TFAP2B: variants seen among roughly 807,000 people sequenced by gnomAD.
The protein encoded by TFAP2B is transcription factor AP-2-beta.
A neutral mutation model predicts 44.3 loss-of-function variants in TFAP2B; 9 were observed. That is an observed-to-expected ratio of 0.20 (90% CI 0.12 to 0.35). TFAP2B has a LOEUF of 0.35. Ranked by LOEUF, TFAP2B falls within the 10% of genes least tolerant of loss-of-function variation. The pLI, the probability that TFAP2B is intolerant of heterozygous loss-of-function variation, is 1.00. For missense variants in TFAP2B, 509 were observed against 600.0 expected, an observed-to-expected ratio of 0.85 and a Z score of 1.59; for synonymous variants, 270 against 263.8, an observed-to-expected ratio of 1.02 and a Z score of -0.23.
chr6:50,831,335 A>G (rs1770663805), intron 3 of TFAP2B, among the ~76,000 whole-genome samples: 1 of 152,178 alleles, frequency 6.6e-6, no homozygotes, highest in Non-Finnish European at 1.5e-5. Flanking sequence ...GTTTACGGCT[A>G]ATTTTCTGTA....
chr6:50,836,863 A>T (rs1222329184), intron 4 of TFAP2B, among the ~76,000 whole-genome samples: 1 of 152,204 alleles, frequency 6.6e-6, no homozygotes, highest in Non-Finnish European at 1.5e-5. Context: ...CACCACCAAT[A>T]ATAGCAATAA....
intron 3 of TFAP2B, among the ~76,000 whole-genome samples, chr6:50,835,833 G>T (rs987566206): frequency 1.3e-5 from 2 of 152,200 alleles, no homozygotes; most frequent in Admixed American, 1.3e-4. Flanking sequence ...TGTAGCAAAT[G>T]ACACTCATAT....
In TFAP2B at chr6:50,844,771, A is replaced by G. The variant is rs994715705; in HGVS notation, c.*1379A>G. Reference sequence around the variant, plus strand: ...TGGTGATTGCTGTTTAAGCAAGGAAAGAAGCAGCTTTACGAGTGGACGTGG... The same window carrying G: ...TGGTGATTGCTGTTTAAGCAAGGAAGGAAGCAGCTTTACGAGTGGACGTGG... On this transcript the variant is annotated 3_prime_UTR_variant, in exon 7 of 7. Coordinates refer to ENST00000393655, the MANE Select transcript of TFAP2B (RefSeq NM_003221.4). 1 of 152,262 alleles carries G rather than the reference A, an allele frequency of 6.6e-6. No homozygotes were observed. The highest frequency in any genetic ancestry group is 2.4e-5 in the African/African-American group (1 of 41,466). The allele number at this position is 152,262 out of a possible 1,614,324, so 9.4% of individuals were successfully genotyped here. A position where few individuals can be genotyped will look rare whatever the true frequency, so the allele number is the denominator to read the frequency against.
Position 50,818,923 on chromosome 6 carries a change from T to C in TFAP2B, c.32T>C (p.Ile11Thr). MHSPPRDQAAIMLWKLVENVK... is the reference protein window; with the variant it reads MHSPPRDQAATMLWKLVENVK... ...TCACCTCCTAGAGACCAGGCTGCCA[T>C]CATGCTCTGGAAGCTTGTGGAGAAT... is the stretch of plus-strand genomic sequence containing the variant. Residue 11 changes from isoleucine (I) to threonine (T), a missense_variant, in exon 1 of 7, where the codon ATC (isoleucine) becomes ACC (threonine). Around this residue, in one of 3 missense-constraint regions of TFAP2B, gnomAD observed 296 missense variants for 308.2 expected, o/e 0.96. Transcript: ENST00000393655. 1 of 1,614,156 alleles carries C rather than the reference T, an allele frequency of 6.2e-7. No homozygotes were observed. Among genetic ancestry groups the C allele is most frequent in the Non-Finnish European group, 8.5e-7 (1 of 1,180,032 alleles).
chr6:50,840,013 C>A, intron 5 of TFAP2B, 143 bp from the exon 6 acceptor site: 1 of 1,093,206 alleles, frequency 9.1e-7, no homozygotes, highest in South Asian at 1.3e-5. Flanking sequence ...ATCATTTTTC[C>A]TTTAGGCATC....
chr6:50,837,895 T>C, intron 4 of TFAP2B, 80 bp from the exon 5 acceptor site: 1 of 1,156,186 alleles, frequency 8.6e-7, no homozygotes, highest in East Asian at 2.3e-5. Flanking sequence ...CAAGCTCCAC[T>C]GGGCTTTAGA....
chr6:50,830,905 C>T (rs1770653445), intron 3 of TFAP2B, among the ~76,000 whole-genome samples: 1 of 152,030 alleles, frequency 6.6e-6, no homozygotes, highest in African/African-American at 2.4e-5. Context: ...ATTTCAACAC[C>T]TAGAAGAAGG....
intron 6 of TFAP2B, among the ~76,000 whole-genome samples, chr6:50,840,910 T>C (rs1296694671): frequency 2.0e-5 from 3 of 152,372 alleles, no homozygotes; most frequent in South Asian, 4.1e-4. Context: ...TGGTGTTTTA[T>C]GGCCGGCTCA....
At chr6:50,819,074 A>T in intron 1 of TFAP2B, 102 bp downstream of exon 1, 1 of 1,205,516 alleles carries the variant, frequency 8.3e-7, no homozygotes. Context: ...TTACTCGTAG[A>T]TTTCCGGTCG....
At position 50,836,284 on chromosome 6, in the gene TFAP2B, AC is replaced by A. The variant is rs781419115; in HGVS notation, c.821+8del. The A allele has an allele frequency of 1.9e-6, 3 of 1,609,754 alleles. No individual in the cohort carries two copies. Among genetic ancestry groups the A allele is most frequent in the Non-Finnish European group, 2.5e-6 (3 of 1,177,922 alleles). On this transcript the variant is annotated splice_donor_5th_base_variant and intron_variant, in intron 4 of 6. Transcript: ENST00000393655. ...TCCTCGGCGGAGTCCTCAGAAGGTA[AC>A]CCCACCACGAAAAACAAAAACAAAA... is the stretch of plus-strand genomic sequence containing the variant.
chr6:50,821,852 C>T (rs1408837765), intron 1 of TFAP2B: 20 of 287,930 alleles, frequency 6.9e-5, no homozygotes, highest in African/African-American at 1.8e-4. Flanking sequence ...AGCCCAGCTT[C>T]GGGTGAAAGA....
intron 5 of TFAP2B, 48 bp downstream of exon 5, chr6:50,838,141 C>T (rs756003605): frequency 1.2e-5 from 16 of 1,357,380 alleles, no homozygotes; most frequent in Admixed American, 1.2e-4. Flanking sequence ...GCTTAACTGT[C>T]GGCTGGAGGC....
intron 2 of TFAP2B, among the ~76,000 whole-genome samples, chr6:50,826,781 A>G (rs1326881656): frequency 6.6e-6 from 1 of 152,106 alleles, no homozygotes; most frequent in East Asian, 1.9e-4. Flanking sequence ...ATATAAACAT[A>G]TAAGGATGTT....
chr6:50,842,393 GC>G (rs1177068265), intron 6 of TFAP2B, among the ~76,000 whole-genome samples: 1 of 152,310 alleles, frequency 6.6e-6, no homozygotes, highest in Admixed American at 6.5e-5. Context: ...TGTCTTAACA[GC>G]CTACCTTTAG....
intron 6 of TFAP2B, among the ~76,000 whole-genome samples, chr6:50,842,728 C>G (rs2113959752): frequency 6.6e-6 from 1 of 152,260 alleles, no homozygotes; most frequent in Admixed American, 6.5e-5. Context: ...GCGGGGGAAA[C>G]AGCTCAAAAG....
intron 3 of TFAP2B, among the ~76,000 whole-genome samples, chr6:50,835,056 CA>C: frequency 6.6e-6 from 1 of 152,226 alleles, no homozygotes; most frequent in Non-Finnish European, 1.5e-5. Flanking sequence ...TTCTGACATG[CA>C]GATGACACTG....
At chr6:50,838,301 G>C (rs1762661708) in intron 5 of TFAP2B, among the ~76,000 whole-genome samples, 1 of 152,182 alleles carries the variant, frequency 6.6e-6, no homozygotes, top group Admixed American at 6.5e-5. Context: ...GGAAGTATTT[G>C]AGAGTTCCTG....
At chr6:50,822,627 A>T (rs1770384200) in intron 1 of TFAP2B, among the ~76,000 whole-genome samples, 1 of 152,096 alleles carries the variant, frequency 6.6e-6, no homozygotes, top group Non-Finnish European at 1.5e-5. Flanking sequence ...TAGTTCCTTC[A>T]TTTTCACATC....
At chr6:50,824,457 G>C (rs1357042377) in intron 2 of TFAP2B, among the ~76,000 whole-genome samples, 1 of 152,176 alleles carries the variant, frequency 6.6e-6, no homozygotes, top group African/African-American at 2.4e-5. Flanking sequence ...TTTTTTCCAA[G>C]AGATAGTTGC....
Sources: gnomAD v4.1 joint callset for allele counts (sites outside exome capture counted in the v4.1 genomes callset) on GRCh38, gnomAD v4.1.1 for gene constraint, gnomAD v4.1.1 regional missense constraint, MANE v1.5 for transcripts, NCBI Gene and HGNC (gene_info 2026-07-23, HGNC 2026-07-21) for gene names.